ATP2B2: variants seen among roughly 807,000 people sequenced by gnomAD.
The protein encoded by ATP2B2 is ATPase plasma membrane Ca2+ transporting 2, also known as plasma membrane calcium-transporting ATPase 2.
Under a neutral mutation model 120.0 loss-of-function variants are expected in ATP2B2, and 15 were observed. That is an observed-to-expected ratio of 0.12 (90% CI 0.08 to 0.19). The LOEUF (loss-of-function observed/expected upper bound fraction) is 0.19, where lower values mean the gene tolerates loss of function less well. Ranked by LOEUF, ATP2B2 falls within the 10% of genes least tolerant of loss-of-function variation. ATP2B2 has a pLI of 1.00. For missense variants in ATP2B2, 1,045 were observed against 1,719.8 expected, an observed-to-expected ratio of 0.61 and a Z score of 6.94; for synonymous variants, 694 against 700.3, an observed-to-expected ratio of 0.99 and a Z score of 0.14.
At chr3:10,528,676 T>C (rs1379353370) in intron 3 of ATP2B2, among the ~76,000 whole-genome samples, 1 of 130,006 alleles carries the variant, frequency 7.7e-6, no homozygotes, top group African/African-American at 3.6e-5. Flanking sequence ...TTTTCACTTT[T>C]ATGTGAATTG....
In ATP2B2 at chr3:10,684,559, AT is replaced by A. The variant is rs199738771; in HGVS notation, c.-460+23355del. On this transcript the variant is annotated intron_variant, in intron 1 of 21. Coordinates refer to the ATP2B2 transcript ENST00000646379. Reference sequence around the variant, plus strand: ...TAATAGGTTCATTCAACAATTATCTATTTAGTAGCCACTCCAGGCCTGCCAC... The same window carrying A: ...TAATAGGTTCATTCAACAATTATCTATTAGTAGCCACTCCAGGCCTGCCAC... Among the ~76,000 whole-genome samples, 315 of 152,362 alleles carry A rather than the reference AT, an allele frequency of 2.1e-3. 6 individuals carry two copies. In the East Asian group the frequency reaches 0.051, roughly 25 times the overall value.
At chr3:10,585,493 G>GGTAAAAAAAAAAAAAA (rs1250583445) in intron 2 of ATP2B2, among the ~76,000 whole-genome samples, 1 of 28,506 alleles carries the variant, frequency 3.5e-5, no homozygotes, top group Admixed American at 5.1e-4. Flanking sequence ...GACTCCGTCT[G>GGTAAAAAAAAAAAAAA]AAAAAAAAAA....
At chr3:10,628,512 A>G (rs1407858015) in intron 1 of ATP2B2, among the ~76,000 whole-genome samples, 2 of 152,256 alleles carry the variant, frequency 1.3e-5, no homozygotes, top group African/African-American at 4.8e-5. Context: ...CTAAAGCTCA[A>G]CAACAGCCCT....
intron 1 of ATP2B2, among the ~76,000 whole-genome samples, chr3:10,620,650 G>A (rs558128836): frequency 2.6e-5 from 4 of 152,144 alleles, no homozygotes; most frequent in Non-Finnish European, 5.9e-5. Context: ...CTTGATGGGA[G>A]CTGTCACCTG....
intron 2 of ATP2B2, among the ~76,000 whole-genome samples, chr3:10,603,494 C>A (rs2068979341): frequency 6.6e-6 from 1 of 152,232 alleles, no homozygotes; most frequent in Non-Finnish European, 1.5e-5. Context: ...AAAGCCTGCT[C>A]TCCTAAGTGG....
intron 1 of ATP2B2, among the ~76,000 whole-genome samples, chr3:10,683,740 GTATATATA>G (rs1229351012): frequency 3.2e-4 from 34 of 105,788 alleles, no homozygotes; most frequent in Middle Eastern, 5.0e-3. Context: ...ATATATATGT[GTATATATA>G]TGTGTGTGTG....
intron 1 of ATP2B2, among the ~76,000 whole-genome samples, chr3:10,462,867 C>G (rs2064555768): frequency 6.6e-6 from 1 of 152,166 alleles, no homozygotes; most frequent in African/African-American, 2.4e-5. Flanking sequence ...GGGGTCTGAG[C>G]TGGCCTCCTT....
intron 17 of ATP2B2, 71 bp downstream of exon 17, chr3:10,345,960 G>T: frequency 6.9e-7 from 1 of 1,455,134 alleles, no homozygotes; most frequent in Non-Finnish European, 9.3e-7. Flanking sequence ...CTCCTGAGTA[G>T]CCAGCCCAAG....
intron 5 of ATP2B2, among the ~76,000 whole-genome samples, chr3:10,397,700 T>C (rs1247863334): frequency 6.6e-6 from 1 of 151,826 alleles, no homozygotes; most frequent in Non-Finnish European, 1.5e-5. Flanking sequence ...GGGGGCAGAG[T>C]GGCAGACAGG....
chr3:10,491,250 T>A lies in ATP2B2; in HGVS notation c.-320+14215A>T, dbSNP rs2065924844. Among the ~76,000 whole-genome samples the A allele has an allele frequency of 5.0e-5, 7 of 140,208 alleles. No individual in the cohort carries two copies. In the South Asian group the frequency reaches 1.6e-3, roughly 32 times the overall value. The allele number at this position is 140,208 out of a possible 152,430, so 92.0% of individuals were successfully genotyped here. A position where few individuals can be genotyped will look rare whatever the true frequency, so the allele number is the denominator to read the frequency against. ...TTTTTTTTTTTTTTTTTTGAGACGGTGTTTCACTCTTGTCACCCAGGCTGG... is the reference window on the plus strand; with the variant it reads ...TTTTTTTTTTTTTTTTTTGAGACGGAGTTTCACTCTTGTCACCCAGGCTGG... On this transcript the variant is annotated intron_variant, in intron 1 of 22. Transcript: ENST00000360273.
At chr3:10,579,383 C>T (rs903973606) in intron 2 of ATP2B2, among the ~76,000 whole-genome samples, 1 of 152,220 alleles carries the variant, frequency 6.6e-6, no homozygotes. Flanking sequence ...TAGAAACAGA[C>T]TGAGAAGGGC....
intron 2 of ATP2B2, 117 bp from the exon 3 acceptor site, chr3:10,410,932 G>T: frequency 8.0e-7 from 1 of 1,244,700 alleles, no homozygotes; most frequent in Admixed American, 1.8e-5. Context: ...GGCTGGCCCA[G>T]GAGCCCAACA....
chr3:10,587,321 T>C (rs886926653), intron 2 of ATP2B2, among the ~76,000 whole-genome samples: 2 of 139,202 alleles, frequency 1.4e-5, no homozygotes, highest in African/African-American at 5.3e-5. Context: ...TATGTATATA[T>C]GTCTCAATAT....
chr3:10,682,933 G>A (rs2071417457), intron 1 of ATP2B2, among the ~76,000 whole-genome samples: 1 of 152,134 alleles, frequency 6.6e-6, no homozygotes, highest in South Asian at 2.1e-4. Context: ...CCCATTCATC[G>A]TGTGCACACA....
At chr3:10,507,199 G>T (rs1318543826), upstream of ATP2B2, among the ~76,000 whole-genome samples, 2 of 152,298 alleles carry the variant, frequency 1.3e-5, no homozygotes, top group African/African-American at 4.8e-5. Flanking sequence ...CTCCCTGCTG[G>T]GGTTCTGACA....
At chr3:10,451,291 C>T (rs2064037810) in intron 1 of ATP2B2, among the ~76,000 whole-genome samples, 1 of 152,166 alleles carries the variant, frequency 6.6e-6, no homozygotes, top group African/African-American at 2.4e-5. Context: ...GTGGACTGTG[C>T]CAGGCAGCCG....
Position 10,342,605 on chromosome 3 carries a change from G to A in ATP2B2, c.2917+147C>T. On this transcript the variant is annotated intron_variant, in intron 19 of 22. Transcript: ENST00000360273. This position sits in a 1 kb window ranked among gnomAD's most constrained non-coding sequence, Gnocchi z 4.4. ...TTCAAGACTTGCTGGTGTGACCTTG[G>A]GCAACTTACTTGACCTCCCTGGGCC... 2 of 932,586 alleles carry A rather than the reference G, an allele frequency of 2.1e-6. No individual in the cohort carries two copies. The highest frequency in any genetic ancestry group is 3.3e-6 in the Non-Finnish European group (2 of 599,938). 57.8% of individuals were successfully genotyped at this position (932,586 alleles called of 1,614,324 possible).
At chr3:10,491,557 C>T (rs894962820) in intron 1 of ATP2B2, among the ~76,000 whole-genome samples, 7 of 152,106 alleles carry the variant, frequency 4.6e-5, no homozygotes, top group Admixed American at 6.5e-5. Context: ...GGGCCCATAG[C>T]GGGTATCCTA....
chr3:10,506,742 G>A (rs2066639776), upstream of ATP2B2, among the ~76,000 whole-genome samples: 1 of 152,124 alleles, frequency 6.6e-6, no homozygotes, highest in African/African-American at 2.4e-5. Flanking sequence ...GGTGCATGGG[G>A]GACAGGGGCA....
Sources: allele counts gnomAD v4.1 joint callset (sites outside exome capture counted in the v4.1 genomes callset), GRCh38; gene constraint gnomAD v4.1.1; non-coding constraint Gnocchi (gnomAD v3.1); transcripts MANE v1.5; gene names NCBI Gene and HGNC (gene_info 2026-07-23, HGNC 2026-07-21).